The following ALK variants were observed in gnomAD, a reference collection of about 807,000 sequenced individuals.
ALK encodes the protein ALK receptor tyrosine kinase.
A neutral mutation model predicts 163.1 loss-of-function variants in ALK; 74 were observed. The ratio of observed to expected loss-of-function variants is 0.45; its 90% CI spans 0.38 to 0.55. The LOEUF is 0.55. ALK is among the 20% of genes least tolerant of loss of function. The pLI is 0.00. For missense variants in ALK, 2,063 were observed against 2,105.3 expected (o/e 0.98, Z 0.39); for synonymous variants, 960 against 843.2 (o/e 1.14, Z -2.40).
intron 4 of ALK, among the ~76,000 whole-genome samples, chr2:29,476,485 C>G (rs1053498725): frequency 2.0e-5 from 3 of 152,120 alleles, no homozygotes; most frequent in Non-Finnish European, 2.9e-5. Flanking sequence ...GAATCCCACT[C>G]TCCAGAGACA....
intron 18 of ALK, 104 bp from the exon 19 acceptor site, chr2:29,225,669 TC>T: frequency 1.1e-6 from 1 of 929,342 alleles, no homozygotes; most frequent in Non-Finnish European, 1.7e-6. Flanking sequence ...AACTACTTGC[TC>T]CTTCCCATCG....
At chr2:29,366,385 T>G (rs1274063984) in intron 5 of ALK, among the ~76,000 whole-genome samples, 1 of 151,958 alleles carries the variant, frequency 6.6e-6, no homozygotes, top group African/African-American at 2.4e-5. Flanking sequence ...CTGGACCGCT[T>G]TGGTAGTCAG....
At chr2:29,498,221 A>T (rs778256832) in intron 4 of ALK, among the ~76,000 whole-genome samples, 1 of 152,128 alleles carries the variant, frequency 6.6e-6, no homozygotes, top group African/African-American at 2.4e-5. Flanking sequence ...CCCAAATATG[A>T]CCTAAAAAAT....
intron 3 of ALK, among the ~76,000 whole-genome samples, chr2:29,671,288 C>T (rs184717437): frequency 3.6e-4 from 55 of 152,138 alleles, no homozygotes; most frequent in African/African-American, 1.3e-3. Context: ...AAAGAGATTA[C>T]CCAGTAGTGT....
rs78534408 is a variant in ALK at position 29,526,150 on chromosome 2, C to G, written c.1154+5765G>C. ...AGGAGAGTGTCCCTTAGACAGACAG[C>G]CTGGGAGGCAGGGGGTTAGGCACTA... On this transcript the variant is annotated intron_variant, in intron 4 of 28. Transcript: ENST00000389048. Among the ~76,000 whole-genome samples, 1,065 of 152,238 alleles carry G rather than the reference C, an allele frequency of 7.0e-3. 18 individuals are homozygous for G. Among genetic ancestry groups the G allele is most frequent in the African/African-American group, 0.024 (991 of 41,532 alleles).
At chr2:29,456,220 A>G (rs759292173) in intron 4 of ALK, among the ~76,000 whole-genome samples, 2 of 152,170 alleles carry the variant, frequency 1.3e-5, no homozygotes, top group Non-Finnish European at 2.9e-5. Flanking sequence ...ACTCCTGGGC[A>G]TATACTGGAG....
intron 11 of ALK, among the ~76,000 whole-genome samples, chr2:29,252,698 T>C (rs1169770294): frequency 6.6e-6 from 1 of 152,136 alleles, no homozygotes; most frequent in Non-Finnish European, 1.5e-5. Context: ...CATTTATTTA[T>C]TTATTTATTT....
At chr2:29,299,460 G>T (rs1173638265) in intron 8 of ALK, among the ~76,000 whole-genome samples, 1 of 152,226 alleles carries the variant, frequency 6.6e-6, no homozygotes, top group Non-Finnish European at 1.5e-5. Context: ...TAGAATCAGA[G>T]AGTTCTGAAT....
At chr2:29,898,351 C>T (rs529650501) in intron 1 of ALK, among the ~76,000 whole-genome samples, 1 of 152,328 alleles carries the variant, frequency 6.6e-6, no homozygotes, top group South Asian at 2.1e-4. Context: ...CAACTCACAT[C>T]CCTTTGATTA....
chr2:29,517,756 A>C (rs1672710094), intron 4 of ALK, among the ~76,000 whole-genome samples: 1 of 152,196 alleles, frequency 6.6e-6, no homozygotes, highest in Non-Finnish European at 1.5e-5. Flanking sequence ...CTTAATTTTT[A>C]AACTACAGCG....
In ALK at chr2:29,611,923, T is replaced by C. The variant is rs575937358; in HGVS notation, c.953-79807A>G. On this transcript the variant is annotated intron_variant, in intron 3 of 28. Transcript: ENST00000389048. ...TTCGTAAATTACCAGTCTCGGGTAG[T>C]TCTTTATATACAGCAGTGTGAAAAC... 3.3e-5 allele frequency among the ~76,000 whole-genome samples: 5 copies of C among 152,326 alleles called. No individual in the cohort carries two copies. The East Asian group carries it at 9.6e-4, about 29-fold the overall frequency.
chr2:29,853,616 A>C (rs1666062384), intron 1 of ALK, among the ~76,000 whole-genome samples: 1 of 152,164 alleles, frequency 6.6e-6, no homozygotes, highest in Non-Finnish European at 1.5e-5. Context: ...CTCTCCATGC[A>C]GTCTTCTTAA....
At chr2:29,756,735 C>G (rs1208394815) in intron 1 of ALK, among the ~76,000 whole-genome samples, 1 of 152,142 alleles carries the variant, frequency 6.6e-6, no homozygotes, top group East Asian at 1.9e-4. Context: ...CCATGTTAGC[C>G]AGGCTTGTCT....
intron 26 of ALK, among the ~76,000 whole-genome samples, chr2:29,200,783 G>GTA (rs1305544191): frequency 1.6e-3 from 85 of 54,772 alleles, no homozygotes; most frequent in South Asian, 3.3e-3. Context: ...GTATATATAT[G>GTA]TATATACATG....
intron 1 of ALK, among the ~76,000 whole-genome samples, chr2:29,752,348 C>CTT (rs34424748): frequency 5.6e-4 from 68 of 120,948 alleles, no homozygotes; most frequent in African/African-American, 7.6e-4. Flanking sequence ...ATTTTCTTTT[C>CTT]TTTTTTTTTT....
At chr2:29,593,943 C>T (rs893226034) in intron 3 of ALK, among the ~76,000 whole-genome samples, 3 of 152,168 alleles carry the variant, frequency 2.0e-5, no homozygotes, top group Non-Finnish European at 4.4e-5. Context: ...TGCGAACTTA[C>T]AATTAAATCA....
chr2:29,537,163 C>T (rs957883262), intron 3 of ALK, among the ~76,000 whole-genome samples: 8 of 152,128 alleles, frequency 5.3e-5, no homozygotes, highest in African/African-American at 1.2e-4. Context: ...ACTCGCTAAG[C>T]GAATAGCATG....
At chr2:29,613,219 C>T (rs1191318443) in intron 3 of ALK, among the ~76,000 whole-genome samples, 3 of 152,170 alleles carry the variant, frequency 2.0e-5, no homozygotes, top group Admixed American at 6.5e-5. Flanking sequence ...TTTTCGAATG[C>T]CTGAGCCACA....
intron 8 of ALK, among the ~76,000 whole-genome samples, chr2:29,308,551 C>T (rs1467294190): frequency 6.6e-6 from 1 of 152,166 alleles, no homozygotes; most frequent in South Asian, 2.1e-4. Flanking sequence ...TGAGGGAGAT[C>T]AAGGGAAGGT....
Sources: gnomAD v4.1 joint callset for allele counts (sites outside exome capture counted in the v4.1 genomes callset) on GRCh38, gnomAD v4.1.1 for gene constraint, MANE v1.5 for transcripts, NCBI Gene and HGNC (gene_info 2026-07-23, HGNC 2026-07-21) for gene names.